Variants in CNTN4 observed in about 807,000 individuals in gnomAD.
CNTN4 encodes the protein contactin 4.
In CNTN4, 77 loss-of-function variants were observed where a neutral mutation model predicts 122.5. The observed-to-expected ratio is 0.63, with a 90% CI of 0.52 to 0.76. The LOEUF (loss-of-function observed/expected upper bound fraction) is 0.76. Ranked by LOEUF, CNTN4 falls within the 30% of genes least tolerant of loss-of-function variation. The probability of loss-of-function intolerance (pLI) is 0.00; values close to 1 mark genes in which losing one functional copy is unlikely to be tolerated. For synonymous variants in CNTN4, 512 were observed against 447.0 expected, an observed-to-expected ratio of 1.15 and a Z score of -1.83; for missense variants, 1,256 against 1,259.1, an observed-to-expected ratio of 1.00 and a Z score of 0.04.
chr3:2,300,789 T>A (rs1017381908), intron 2 of CNTN4, among the ~76,000 whole-genome samples: 3 of 151,990 alleles, frequency 2.0e-5, no homozygotes, highest in Non-Finnish European at 4.4e-5. Context: ...CAGGATGGTC[T>A]CCATCAACAG....
chr3:2,821,248 C>T (rs1334181294), intron 7 of CNTN4, among the ~76,000 whole-genome samples: 3 of 152,118 alleles, frequency 2.0e-5, no homozygotes, highest in Non-Finnish European at 4.4e-5. Flanking sequence ...TGAGTCACTG[C>T]ACCTGGCTGG....
At chr3:2,423,678 A>G (rs1386755376) in intron 3 of CNTN4, among the ~76,000 whole-genome samples, 1 of 152,074 alleles carries the variant, frequency 6.6e-6, no homozygotes, top group African/African-American at 2.4e-5. Flanking sequence ...TTGGATAATC[A>G]TTAGATTGCT....
intron 2 of CNTN4, among the ~76,000 whole-genome samples, chr3:2,281,871 G>A (rs17011749): frequency 6.6e-5 from 10 of 151,984 alleles, no homozygotes; most frequent in Non-Finnish European, 7.4e-5. Context: ...TTTGGTATTC[G>A]TGACTCTCAT....
intron 3 of CNTN4, among the ~76,000 whole-genome samples, chr3:2,569,618 A>T (rs753235968): frequency 6.6e-6 from 1 of 152,162 alleles, no homozygotes; most frequent in Non-Finnish European, 1.5e-5. Context: ...CAGAGTTTTC[A>T]AAGAAGTTTC....
chr3:2,485,962 T>C (rs1457452941), intron 3 of CNTN4, among the ~76,000 whole-genome samples: 1 of 152,146 alleles, frequency 6.6e-6, no homozygotes, highest in East Asian at 1.9e-4. Flanking sequence ...CAGGTGCCCT[T>C]CCACACTGTG....
intron 3 of CNTN4, among the ~76,000 whole-genome samples, chr3:2,532,765 T>C (rs984523961): frequency 2.6e-5 from 4 of 152,196 alleles, no homozygotes; most frequent in African/African-American, 4.8e-5. Context: ...TCATACTCTT[T>C]CGTGTCATAC....
intron 3 of CNTN4, among the ~76,000 whole-genome samples, chr3:2,413,732 C>T (rs557445943): frequency 8.0e-4 from 121 of 152,018 alleles, no homozygotes; most frequent in African/African-American, 2.7e-3. Flanking sequence ...TTAGTAGAGA[C>T]GGGGTTTCAC....
intron 3 of CNTN4, among the ~76,000 whole-genome samples, chr3:2,412,125 A>T (rs1378769812): frequency 6.6e-6 from 1 of 152,046 alleles, no homozygotes; most frequent in Non-Finnish European, 1.5e-5. Flanking sequence ...ATTTTTTGAG[A>T]TTCTTTTGTA....
intron 3 of CNTN4, among the ~76,000 whole-genome samples, chr3:2,506,231 G>A (rs938378004): frequency 1.3e-5 from 2 of 152,102 alleles, no homozygotes; most frequent in Admixed American, 1.3e-4. Context: ...CATAGTTGAT[G>A]GAAGTGATGC....
intron 4 of CNTN4, among the ~76,000 whole-genome samples, chr3:2,642,491 C>A (rs924173762): frequency 5.9e-5 from 9 of 152,204 alleles, no homozygotes; most frequent in African/African-American, 9.7e-5. Context: ...TCTCCTTCCT[C>A]TATTAAACCA....
chr3:2,296,163 T>C (rs2042303632), intron 2 of CNTN4, among the ~76,000 whole-genome samples: 1 of 152,186 alleles, frequency 6.6e-6, no homozygotes, highest in Non-Finnish European at 1.5e-5. Flanking sequence ...CGATGCGGGC[T>C]CTTTTTTGGT....
At chr3:2,764,725 C>A (rs1182515805) in intron 6 of CNTN4, among the ~76,000 whole-genome samples, 1 of 152,180 alleles carries the variant, frequency 6.6e-6, no homozygotes, top group African/African-American at 2.4e-5. Flanking sequence ...GTTCACACAT[C>A]GTCAACCATC....
At chr3:2,741,291 C>T (rs1183453675) in intron 5 of CNTN4, among the ~76,000 whole-genome samples, 1 of 152,178 alleles carries the variant, frequency 6.6e-6, no homozygotes, top group Non-Finnish European at 1.5e-5. Flanking sequence ...GAAAGAAAGT[C>T]TAATTCAGGA....
At chr3:2,916,927 G>A (rs1465971716) in intron 12 of CNTN4, among the ~76,000 whole-genome samples, 10 of 146,760 alleles carry the variant, frequency 6.8e-5, no homozygotes, top group Non-Finnish European at 1.3e-4. Context: ...TGCAGTCTCG[G>A]CACTTTGGGA....
chr3:2,880,871 A>G (rs2093900774), intron 8 of CNTN4, among the ~76,000 whole-genome samples: 2 of 152,122 alleles, frequency 1.3e-5, no homozygotes, highest in African/African-American at 4.8e-5. Context: ...TAGAACTGTG[A>G]TTTTTAACCT....
chr3:2,688,409 C>T (rs890392698), intron 4 of CNTN4, among the ~76,000 whole-genome samples: 4 of 152,094 alleles, frequency 2.6e-5, no homozygotes, highest in Non-Finnish European at 5.9e-5. Context: ...AGCCAATTAC[C>T]GATTACACAA....
rs751908137 is a variant in CNTN4 at position 3,053,774 on chromosome 3, G to C, written c.2812-33G>C. The C allele has an allele frequency of 4.3e-6, 7 of 1,610,658 alleles. No individual in the cohort carries two copies. The South Asian group carries it at 6.6e-5, about 15-fold the overall frequency. On this transcript the variant is annotated intron_variant, in intron 23 of 24. Transcript: ENST00000418658. ...CCATATTTGGGACCTTTGTGAAGACGGCAGGTGACACCTGTTCTTTCTGTA... is the reference window on the plus strand; with the variant it reads ...CCATATTTGGGACCTTTGTGAAGACCGCAGGTGACACCTGTTCTTTCTGTA...
At chr3:2,312,631 TA>T (rs951231950) in intron 2 of CNTN4, among the ~76,000 whole-genome samples, 5 of 151,744 alleles carry the variant, frequency 3.3e-5, no homozygotes, top group African/African-American at 1.2e-4. Context: ...TTTCCAATAA[TA>T]AAAAAAATGG....
At chr3:2,230,547 G>A (rs913314107) in intron 2 of CNTN4, among the ~76,000 whole-genome samples, 1 of 152,136 alleles carries the variant, frequency 6.6e-6, no homozygotes, top group African/African-American at 2.4e-5. Flanking sequence ...AGATAGGATT[G>A]TACCAATAAT....
Sources: allele counts gnomAD v4.1 joint callset (sites outside exome capture counted in the v4.1 genomes callset), GRCh38; gene constraint gnomAD v4.1.1; transcripts MANE v1.5; gene names NCBI Gene and HGNC (gene_info 2026-07-23, HGNC 2026-07-21).